Variants in VWF observed in about 807,000 individuals in gnomAD.
The protein encoded by VWF is von Willebrand factor.
A neutral mutation model predicts 308.6 loss-of-function variants in VWF; 176 were observed. The ratio of observed to expected loss-of-function variants is 0.57; its 90% CI spans 0.50 to 0.65. The LOEUF is 0.65. Ranked by LOEUF, VWF falls within the 30% of genes least tolerant of loss-of-function variation. VWF has a pLI of 0.00. For synonymous variants in VWF, 1,385 were observed against 1,443.4 expected, an observed-to-expected ratio of 0.96 and a Z score of 0.92; for missense variants, 3,146 against 3,648.2, an observed-to-expected ratio of 0.86 and a Z score of 3.55.
intron 17 of VWF, 115 bp from the exon 18 acceptor site, chr12:6,044,566 C>T: frequency 7.3e-7 from 1 of 1,360,946 alleles, no homozygotes. Context: ...TCAGAGTTGC[C>T]CACTCACGGG....
intron 6 of VWF, among the ~76,000 whole-genome samples, chr12:6,083,717 C>G (rs756273491): frequency 2.0e-5 from 3 of 152,192 alleles, no homozygotes; most frequent in African/African-American, 7.2e-5. Context: ...ATTTCCCACC[C>G]CCACGGGGCA....
At chr12:6,015,090 T>C (rs1352901464) in intron 31 of VWF, among the ~76,000 whole-genome samples, 2 of 152,228 alleles carry the variant, frequency 1.3e-5, no homozygotes, top group Admixed American at 6.5e-5. Context: ...GTTCGTTATA[T>C]TATCCAAATA....
chr12:6,059,781 C>A (rs574527473), intron 13 of VWF, among the ~76,000 whole-genome samples: 14 of 152,300 alleles, frequency 9.2e-5, no homozygotes, highest in African/African-American at 3.1e-4. Context: ...AGCAGACACT[C>A]AGTAAGTGTT....
In VWF at chr12:6,091,010, G is replaced by C. The variant is rs576832078; in HGVS notation, c.657+4450C>G. 1.4e-4 allele frequency among the ~76,000 whole-genome samples: 21 copies of C among 152,288 alleles called. No individual in the cohort carries two copies. In the South Asian group the frequency reaches 4.1e-3, roughly 30 times the overall value. On this transcript the variant is annotated intron_variant, in intron 6 of 51. Coordinates refer to ENST00000261405, the MANE Select transcript of VWF (RefSeq NM_000552.5). ...AACTCAGTCCGCCTTTGTTAGTGCCGGTACTGGGCTAGGATCCAGGTGATG... is the reference window on the plus strand; with the variant it reads ...AACTCAGTCCGCCTTTGTTAGTGCCCGTACTGGGCTAGGATCCAGGTGATG...
chr12:6,032,139 A>G (rs1453266630), intron 20 of VWF, among the ~76,000 whole-genome samples: 1 of 152,204 alleles, frequency 6.6e-6, no homozygotes, highest in Non-Finnish European at 1.5e-5. Flanking sequence ...AAAATTAAGC[A>G]AAAGGGGACA....
intron 18 of VWF, among the ~76,000 whole-genome samples, chr12:6,043,619 T>C (rs1448373162): frequency 6.6e-6 from 1 of 151,960 alleles, no homozygotes; most frequent in African/African-American, 2.4e-5. Context: ...TAAGGAGGAG[T>C]AGGCATGCTC....
In VWF at chr12:6,046,901, T is replaced by G; in HGVS notation, c.2187-84A>C. On this transcript the variant is annotated intron_variant, in intron 16 of 51. Transcript: ENST00000261405. The surrounding 1 kb of genome is among the most constrained non-coding windows in gnomAD (Gnocchi z 5.0). ...ACATCTTCACCTCCCACTCACTCTC[T>G]GCCCCTTCCAACCAGGTCCCAGTCC... 2 of 1,270,054 alleles carry G rather than the reference T, an allele frequency of 1.6e-6. No individual in the cohort carries two copies. The highest frequency in any genetic ancestry group is 1.5e-5 in the African/African-American group (1 of 67,990). The allele number at this position is 1,270,054 out of a possible 1,614,324, so 78.7% of individuals were successfully genotyped here.
chr12:6,027,760 C>G (rs766062169), intron 22 of VWF, among the ~76,000 whole-genome samples: 1 of 151,560 alleles, frequency 6.6e-6, no homozygotes, highest in Non-Finnish European at 1.5e-5. Flanking sequence ...CCTCTAGAAC[C>G]ATATGATAAT....
chr12:6,103,326 C>CAA (rs1945189143), intron 5 of VWF, among the ~76,000 whole-genome samples: 2 of 147,870 alleles, frequency 1.4e-5, no homozygotes, highest in African/African-American at 5.0e-5. Context: ...GACTCCGTCT[C>CAA]AAAAAATATA....
chr12:6,122,849 A>G (rs1474306784), intron 2 of VWF: 2 of 695,074 alleles, frequency 2.9e-6, no homozygotes, highest in African/African-American at 3.5e-5. Flanking sequence ...CTAATAATCC[A>G]TCCAAGTCTT....
chr12:5,969,334 C>G lies in VWF; in HGVS notation c.7606G>C (p.Val2536Leu). Residue 2536 changes from valine to leucine, a missense_variant, in exon 45 of 52, where the codon GTG becomes CTG. Transcript: ENST00000261405. ...NPCLINECVR[V>L]KEEVFIQQRN... The stretch of plus-strand genomic sequence containing the variant: ...TGTTGTATAAAGACCTCCTCCTTCA[C>G]TCGGACACACTCATTGATGAGGCAG... 6.2e-7 allele frequency: 1 copy of G among 1,614,230 alleles called. No individual in the cohort carries two copies. The highest frequency in any genetic ancestry group is 8.5e-7 in the Non-Finnish European group (1 of 1,180,054).
intron 5 of VWF, among the ~76,000 whole-genome samples, chr12:6,101,792 A>G (rs138174616): frequency 3.7e-4 from 57 of 152,222 alleles, no homozygotes; most frequent in African/African-American, 1.3e-3. Flanking sequence ...AAAAAATAAT[A>G]ATAATAAAAA....
At chr12:6,074,543 T>TA (rs1008613578) in intron 7 of VWF, among the ~76,000 whole-genome samples, 1 of 146,384 alleles carries the variant, frequency 6.8e-6, no homozygotes, top group African/African-American at 2.6e-5. Flanking sequence ...AGAAACCAGC[T>TA]GCTAGCATCC....
chr12:5,988,278 G>A (rs985078597), intron 38 of VWF, among the ~76,000 whole-genome samples: 5 of 152,190 alleles, frequency 3.3e-5, no homozygotes, highest in South Asian at 4.1e-4. Context: ...CAACCCTGGC[G>A]ACAGCATGCA....
At chr12:6,081,070 T>C (rs1336286626) in intron 6 of VWF, among the ~76,000 whole-genome samples, 1 of 152,088 alleles carries the variant, frequency 6.6e-6, no homozygotes, top group Non-Finnish European at 1.5e-5. Flanking sequence ...CAGAAGGCCC[T>C]CCACAGATTC....
Position 6,029,439 on chromosome 12 carries a change from T to C in VWF, c.2870A>G (p.Glu957Gly). 1 of 1,614,006 alleles carries C rather than the reference T, an allele frequency of 6.2e-7. No homozygotes were observed. Among genetic ancestry groups the C allele is most frequent in the East Asian group, 2.2e-5 (1 of 44,856 alleles). The change falls in exon 22 of 52, where the codon GAG (glutamate) becomes GGG (glycine). Residue 957 changes from glutamate (E) to glycine (G), a missense_variant. Glu to Gly is a moderately conservative substitution (Grantham distance 98). Around this residue, in one of 3 missense-constraint regions of VWF, gnomAD observed 1,304 missense variants for 1,353.0 expected, o/e 0.96. Coordinates refer to ENST00000261405, the MANE Select transcript of VWF (RefSeq NM_000552.5). ...CAGCAGAATGATGTACCGGCCAGAC[T>C]CCACCACCTCAAAGTGAGTCTCATC... ...MKDETHFEVVESGRYIILLLG... is the reference protein window; with the variant it reads ...MKDETHFEVVGSGRYIILLLG...
chr12:5,959,970 A>T (rs950210521), intron 47 of VWF, among the ~76,000 whole-genome samples: 1 of 150,520 alleles, frequency 6.6e-6, no homozygotes, highest in African/African-American at 2.4e-5. Context: ...AATAAAAATA[A>T]GGGCAGAAAT....
rs1190295031 is a variant in VWF, at chr12:6,046,093, G to A, written c.2281+630C>T. Among the ~76,000 whole-genome samples, 10 of 152,082 alleles carry A rather than the reference G, an allele frequency of 6.6e-5. No homozygotes were observed. The highest frequency in any genetic ancestry group is 3.9e-4 in the Admixed American group (6 of 15,272). On this transcript the variant is annotated intron_variant, in intron 17 of 51. Transcript: ENST00000261405. The surrounding 1 kb of genome is among the most constrained non-coding windows in gnomAD (Gnocchi z 5.0). ...CAAAAAATTAGCCAGGTGTGGTGGC[G>A]CATGCCTGTAATTCCAGCTACTTGG...
chr12:6,121,997 T>C (rs1945437725), intron 2 of VWF, among the ~76,000 whole-genome samples: 1 of 152,172 alleles, frequency 6.6e-6, no homozygotes, highest in South Asian at 2.1e-4. Context: ...TAACCCAACA[T>C]TCAGCGATGA....
Sources: allele counts gnomAD v4.1 joint callset (sites outside exome capture counted in the v4.1 genomes callset), GRCh38; gene constraint gnomAD v4.1.1; regional missense constraint gnomAD v4.1.1; non-coding constraint Gnocchi (gnomAD v3.1); transcripts MANE v1.5; gene names NCBI Gene and HGNC (gene_info 2026-07-23, HGNC 2026-07-21).